RPS2: variants seen among roughly 807,000 people sequenced by gnomAD.
RPS2 encodes ribosomal protein S2.
In RPS2, 8 loss-of-function variants were observed where a neutral mutation model predicts 25.3. The ratio of observed to expected loss-of-function variants is 0.32; its 90% CI spans 0.19 to 0.57. The LOEUF (loss-of-function observed/expected upper bound fraction) is 0.57. Ranked by LOEUF, RPS2 falls within the 20% of genes least tolerant of loss-of-function variation. The probability of loss-of-function intolerance (pLI) is 0.90; values close to 1 mark genes in which losing one functional copy is unlikely to be tolerated. For synonymous variants in RPS2, 181 were observed against 161.3 expected (o/e 1.12, Z -0.92); for missense variants, 229 against 408.1 (o/e 0.56, Z 3.78).
chr16:1,964,464 C>T lies in RPS2; in HGVS notation c.162G>A (p.Lys54=), dbSNP rs1385182464. 1.4e-5 allele frequency: 22 copies of T among 1,610,552 alleles called. No individual in the cohort carries two copies. In the East Asian group the frequency reaches 1.8e-4, roughly 13 times the overall value. Residue 54 remains lysine, a synonymous_variant, in exon 2 of 7, where the codon AAG becomes AAA. Coordinates refer to ENST00000343262, the MANE Select transcript of RPS2 (RefSeq NM_002952.4). The stretch of plus-strand genomic sequence containing the variant: ...TGATACCTACCTCCTTATCCTCGGC[C>T]TTGCCTCCGCGAGCTCCGCGGCCTC... ...RGRGRGARGG[K]AEDKEWMPVT...
chr16:1,962,457 C>T, intron 6 of RPS2, 40 bp downstream of exon 6: 1 of 1,592,816 alleles, frequency 6.3e-7, no homozygotes, highest in Non-Finnish European at 8.6e-7. Flanking sequence ...TTAAGCGGAG[C>T]TGAGAGACCA....
At chr16:1,963,027 T>C (rs1243414235) in intron 4 of RPS2, 118 bp from the exon 5 acceptor site, 4 of 1,371,680 alleles carry the variant, frequency 2.9e-6, no homozygotes, top group Non-Finnish European at 4.2e-6. Context: ...TCCGAGGTCC[T>C]GAGGAGATCT....
At chr16:1,962,421 G>A (rs201599317) in intron 6 of RPS2, 76 bp downstream of exon 6, 48 of 1,457,902 alleles carry the variant, frequency 3.3e-5, no homozygotes, top group African/African-American at 4.2e-5. Flanking sequence ...CTGAAAACAC[G>A]CCAAGCACAC....
rs1216863497 is a variant in RPS2 at position 1,963,272 on chromosome 16, A to C, written c.268-16T>G. On this transcript the variant is annotated splice_polypyrimidine_tract_variant and intron_variant, in intron 3 of 6. Transcript: ENST00000343262. ...TCTCTGATTCCTGAAACAAACAAGAAAATTGTAGGGAGAGCATTAAAAAAA... is the reference window on the plus strand; with the variant it reads ...TCTCTGATTCCTGAAACAAACAAGACAATTGTAGGGAGAGCATTAAAAAAA... The C allele has an allele frequency of 6.9e-7, 1 of 1,453,892 alleles. No homozygotes were observed. The highest frequency in any genetic ancestry group is 9.4e-7 in the Non-Finnish European group (1 of 1,068,726). 90.1% of individuals were successfully genotyped at this position (1,453,892 alleles called of 1,614,324 possible).
At position 1,962,794 on chromosome 16, in the gene RPS2, G is replaced by C; in HGVS notation, c.491C>G (p.Pro164Arg). The C allele has an allele frequency of 6.2e-7, 1 of 1,611,846 alleles. No homozygotes were observed. The change falls in exon 5 of 7, where the codon CCC becomes CGC. Residue 164 changes from proline to arginine, a missense_variant. Pro to Arg is a moderately radical substitution (Grantham distance 103). This residue lies in a region of RPS2 where 79 missense variants were observed against 159.0 expected (regional missense o/e 0.50). Transcript: ENST00000343262. ...GTTCCCCCAGTAGCCTCTGCGCACG[G>C]GGACGATGGAGAGCTTGGCCAGGAT... ...AIILAKLSIV[P>R]VRRGYWGNKI...
At position 1,964,045 on chromosome 16, in the gene RPS2, G is replaced by A. The variant is rs796792838; in HGVS notation, c.267+231C>T. On this transcript the variant is annotated intron_variant, in intron 3 of 6. Transcript: ENST00000343262. ...TCAGTTCTTTCGAAATGAATTCGCTGCGAATGTGGGAAGATGCGCTGAAAT... is the reference window on the plus strand; with the variant it reads ...TCAGTTCTTTCGAAATGAATTCGCTACGAATGTGGGAAGATGCGCTGAAAT... 19 of 563,796 alleles carry A rather than the reference G, an allele frequency of 3.4e-5. No homozygotes were observed. The African/African-American group carries it at 3.6e-4, about 11-fold the overall frequency. 34.9% of individuals were successfully genotyped at this position (563,796 alleles called of 1,614,324 possible).
chr16:1,962,287 C>T lies in RPS2; in HGVS notation c.710-17G>A, dbSNP rs369272794. ...TGGCCTTGGCTGCAAAACAAAAGAA[C>T]CCCAGGAGGGTCAGTGGTGTGCTTG... On this transcript the variant is annotated splice_polypyrimidine_tract_variant and intron_variant, in intron 6 of 6. Transcript: ENST00000343262. The T allele has an allele frequency of 7.4e-6, 12 of 1,610,872 alleles. No individual in the cohort carries two copies. The highest frequency in any genetic ancestry group is 4.5e-5 in the East Asian group (2 of 44,888).
At chr16:1,963,311 T>C (rs1014444238) in intron 3 of RPS2, 55 bp from the exon 4 acceptor site, 2 of 1,220,256 alleles carry the variant, frequency 1.6e-6, no homozygotes, top group Admixed American at 2.4e-5. Flanking sequence ...TTAATACCAT[T>C]ATGATATTCA....
chr16:1,963,273 A>T lies in RPS2; in HGVS notation c.268-17T>A, dbSNP rs2083274002. The T allele has an allele frequency of 4.1e-6, 6 of 1,445,878 alleles. No individual in the cohort carries two copies. The East Asian group carries it at 1.5e-4, about 36-fold the overall frequency. 89.6% of individuals were successfully genotyped at this position (1,445,878 alleles called of 1,614,324 possible). On this transcript the variant is annotated splice_polypyrimidine_tract_variant and intron_variant, in intron 3 of 6. Transcript: ENST00000343262. ...CTCTGATTCCTGAAACAAACAAGAA[A>T]ATTGTAGGGAGAGCATTAAAAAAAA...
intron 6 of RPS2, 39 bp from the exon 7 acceptor site, chr16:1,962,309 C>CT (rs749666359): frequency 1.3e-5 from 20 of 1,592,324 alleles, no homozygotes; most frequent in Non-Finnish European, 8.6e-7. Context: ...CAGTGGTGTG[C>CT]TTGAGGCAAG....
At position 1,962,494 on chromosome 16, in the gene RPS2, T is replaced by G. The variant is rs369381264; in HGVS notation, c.709+3A>C. On this transcript the variant is annotated splice_donor_region_variant and intron_variant, in intron 6 of 6. Transcript: ENST00000343262. ...GGCTATGCCCCATGTGTGGACCACC[T>G]ACCGAAGTTGCCCAGGGTGGCAGTG... The G allele has an allele frequency of 2.5e-6, 4 of 1,612,306 alleles. No homozygotes were observed. The African/African-American group carries it at 5.3e-5, about 22-fold the overall frequency.
rs753730513 is a variant in RPS2 at position 1,964,418 on chromosome 16, G to T, written c.177+31C>A. ...AGGACCGCTCTCCGGCGCCGCCCAG[G>T]GGCCCGACCCCGAGCGTGGCTGATA... On this transcript the variant is annotated intron_variant, in intron 2 of 6. Transcript: ENST00000343262. 3.7e-6 allele frequency: 6 copies of T among 1,612,786 alleles called. No individual in the cohort carries two copies. The South Asian group carries it at 6.6e-5, about 18-fold the overall frequency.
chr16:1,962,266 C>G lies in RPS2; in HGVS notation c.714G>C (p.Lys238Asn). 6.2e-7 allele frequency: 1 copy of G among 1,613,278 alleles called. No individual in the cohort carries two copies. The highest frequency in any genetic ancestry group is 8.5e-7 in the Non-Finnish European group (1 of 1,179,648). ...TCTTAGAAATGGCATCAAAGGTGGC[C>G]TTGGCTGCAAAACAAAAGAACCCCA... ...GCTATLGNFA[K>N]ATFDAISKTY... The change falls in exon 7 of 7, where the codon AAG becomes AAC. Residue 238 changes from lysine (K) to asparagine (N), a missense_variant. Physicochemically the swap from Lys to Asn is moderately conservative, Grantham distance 94 (BLOSUM62 0). This residue lies in a region of RPS2 where 79 missense variants were observed against 159.0 expected (regional missense o/e 0.50). Coordinates refer to ENST00000343262, the MANE Select transcript of RPS2 (RefSeq NM_002952.4).
chr16:1,964,194 AATGGCAG>A (rs1430279227), intron 3 of RPS2, 75 bp downstream of exon 3: 2 of 1,029,420 alleles, frequency 1.9e-6, no homozygotes, highest in East Asian at 4.8e-5. Context: ...AATGCGAGTC[AATGGCAG>A]ATGCTAATCC....
At chr16:1,963,664 C>T (rs1470689362) in intron 3 of RPS2, 1 of 367,834 alleles carries the variant, frequency 2.7e-6, no homozygotes, top group Non-Finnish European at 5.5e-6. Flanking sequence ...TGGCTTCCCC[C>T]CGATCTGTCC....
chr16:1,963,349 GGCTCAAGCCTGTAATCCCAGC>G, intron 3 of RPS2, 93 bp from the exon 4 acceptor site: 1 of 800,586 alleles, frequency 1.2e-6, no homozygotes, highest in African/African-American at 1.7e-5. Flanking sequence ...CGGGGGCGGT[GGCTCAAGCCTGTAATCCCAGC>G]ACTTTGGGAG....
chr16:1,964,785 T>G (rs555716540), intron 1 of RPS2, 22 bp downstream of exon 1: 1 of 551,454 alleles, frequency 1.8e-6, no homozygotes, highest in South Asian at 2.4e-5. Context: ...AGAGGCCCGC[T>G]GCAGCGACCA....
intron 3 of RPS2, chr16:1,963,552 GT>G (rs1357000208): frequency 4.4e-5 from 16 of 361,272 alleles, no homozygotes; most frequent in Non-Finnish European, 8.6e-5. Flanking sequence ...GGAGGTGGAG[GT>G]TGCAGTGAGC....
chr16:1,963,729 A>G (rs1352172341), intron 3 of RPS2: 2 of 444,252 alleles, frequency 4.5e-6, no homozygotes, highest in South Asian at 3.2e-5. Flanking sequence ...TCTGCATCTC[A>G]ATCGTTTCTT....
Sources: allele counts gnomAD v4.1 joint callset, GRCh38; gene constraint gnomAD v4.1.1; regional missense constraint gnomAD v4.1.1; transcripts MANE v1.5; gene names NCBI Gene and HGNC (gene_info 2026-07-23, HGNC 2026-07-21).